Variants in HYI observed in about 807,000 individuals in gnomAD.
HYI encodes putative hydroxypyruvate isomerase.
HYI carries 47 observed loss-of-function variants against 39.7 expected under a neutral mutation model. The observed-to-expected ratio is 1.18, with a 90% CI of 0.94 to 1.51. The LOEUF is 1.51. Among genes scored for constraint, HYI ranks in the 40% most tolerant of loss-of-function variants. HYI has a pLI of 0.00. For missense variants in HYI, 465 were observed against 370.3 expected, an observed-to-expected ratio of 1.26 and a Z score of -2.10; for synonymous variants, 186 against 158.8, an observed-to-expected ratio of 1.17 and a Z score of -1.29.
In HYI at chr1:43,451,976, C is replaced by A. The variant is rs367869584; in HGVS notation, c.464G>T (p.Arg155Leu). The change falls in exon 4 of 8, where the codon CGC becomes CTC. Residue 155 changes from arginine (R) to leucine (L), a missense_variant. Arg to Leu is a moderately radical substitution (Grantham distance 102, BLOSUM62 -2). Transcript: ENST00000372430. ...CAGGAAGTACTGGGGGTCAGTGATG[C>A]GGGTGTTGATGGGCTCCAGCAGTCC... is the stretch of plus-strand genomic sequence containing the variant. ...LVGLLEPINTRITDPQYFLDT... is the reference protein window; with the variant it reads ...LVGLLEPINTLITDPQYFLDT... 6.2e-7 allele frequency: 1 copy of A among 1,611,076 alleles called. No homozygotes were observed. Among genetic ancestry groups the A allele is most frequent in the African/African-American group, 1.3e-5 (1 of 74,842 alleles).
intron 2 of HYI, chr1:43,453,102 C>G: frequency 2.6e-6 from 2 of 775,606 alleles, no homozygotes; most frequent in Non-Finnish European, 4.5e-6. Context: ...TGGAATAGGC[C>G]TGTCCTCAAA....
intron 2 of HYI, chr1:43,452,824 C>G (rs1393560566): frequency 1.9e-5 from 28 of 1,453,818 alleles, no homozygotes; most frequent in Non-Finnish European, 2.5e-5. Flanking sequence ...CGTCCACCTC[C>G]TCCCATCATC....
intron 5 of HYI, 21 bp downstream of exon 5, chr1:43,451,777 G>A (rs369575209): frequency 9.3e-6 from 15 of 1,613,910 alleles, no homozygotes; most frequent in South Asian, 4.4e-5. Context: ...TCCGATCTGC[G>A]AAGTACCCCC....
chr1:43,451,517 C>G lies in HYI; in HGVS notation c.653G>C (p.Gly218Ala), dbSNP rs1557613695. 3 of 1,614,104 alleles carry G rather than the reference C, an allele frequency of 1.9e-6. No homozygotes were observed. The African/African-American group carries it at 4.0e-5, about 22-fold the overall frequency. The change falls in exon 7 of 8, where the codon GGC becomes GCC. Residue 218 changes from glycine to alanine, a missense_variant. Coordinates refer to ENST00000372430, the MANE Select transcript of HYI (RefSeq NM_001190880.3). ...TCCGGGGCTGCTGGGCTCCCCTCGG[C>G]CTGGGACCTGTGCCACCTGCACATG... ...VGHVQVAQVPGRGEPSSPGEL... is the reference protein window; with the variant it reads ...VGHVQVAQVPARGEPSSPGEL...
In HYI at chr1:43,453,909, T is replaced by C; in HGVS notation, c.-116A>G. The C allele has an allele frequency of 8.3e-7, 1 of 1,210,756 alleles. No individual in the cohort carries two copies. The highest frequency in any genetic ancestry group is 1.0e-6 in the Non-Finnish European group (1 of 975,004). 75.0% of individuals were successfully genotyped at this position (1,210,756 alleles called of 1,614,324 possible). A position where few individuals can be genotyped will look rare whatever the true frequency, so the allele number is the denominator to read the frequency against. ...GCTGGCCCTGCGAACGAACGAGCACTGTTCGTGGTTAGAAAAGCGAAGTGC... is the reference window on the plus strand; with the variant it reads ...GCTGGCCCTGCGAACGAACGAGCACCGTTCGTGGTTAGAAAAGCGAAGTGC... On this transcript the variant is annotated 5_prime_UTR_variant, in exon 1 of 8. Transcript: ENST00000372430.
chr1:43,452,696 C>CT (rs925587635), intron 2 of HYI: 2 of 613,118 alleles, frequency 3.3e-6, no homozygotes, highest in African/African-American at 3.7e-5. Context: ...TCTACTTAGC[C>CT]TTTTCCCATC....
In HYI at chr1:43,451,427, C is replaced by A; in HGVS notation, c.743G>T (p.Cys248Phe). 1.2e-6 allele frequency: 2 copies of A among 1,613,346 alleles called. No homozygotes were observed. The highest frequency in any genetic ancestry group is 4.5e-5 in the East Asian group (2 of 44,878). ...CGCCTCACCTCGAGGCTGATACTCA[C>A]AGCCCACGAAGCCTTTGTAGCCTTC... ...EDEGYKGFVG[C>F]EYQPRGDTVE... is the part of the protein sequence containing the mutation. The change falls in exon 7 of 8, where the codon TGT becomes TTT. Residue 248 changes from cysteine (C) to phenylalanine (F), a missense_variant. Cys to Phe is a radical substitution (Grantham distance 205). Coordinates refer to ENST00000372430, the MANE Select transcript of HYI (RefSeq NM_001190880.3).
rs555914832 is a variant in HYI at position 43,453,862 on chromosome 1, G to A, written c.-69C>T. ...CGGCGGGCGGCGGGCGGCGGGCGGC[G>A]GGCGGGGGCGGGGCTCTCCTTGCTG... On this transcript the variant is annotated 5_prime_UTR_variant, in exon 1 of 8. Coordinates refer to ENST00000372430, the MANE Select transcript of HYI (RefSeq NM_001190880.3). 1.6e-4 allele frequency: 201 copies of A among 1,226,110 alleles called. No homozygotes were observed. In the African/African-American group the frequency reaches 3.0e-3, roughly 19 times the overall value. 76.0% of individuals were successfully genotyped at this position (1,226,110 alleles called of 1,614,324 possible).
intron 5 of HYI, 40 bp downstream of exon 5, chr1:43,451,758 C>G (rs773947729): frequency 6.2e-7 from 1 of 1,613,790 alleles, no homozygotes; most frequent in Non-Finnish European, 8.5e-7. Flanking sequence ...CCGCAGGCCC[C>G]GCCCTCCTTC....
In HYI at chr1:43,451,996, C is replaced by G. The variant is rs1308125730; in HGVS notation, c.444G>C (p.Leu148=). The change falls in exon 4 of 8, where the codon CTG becomes CTC. Residue 148 remains leucine (L), a synonymous_variant. Coordinates refer to ENST00000372430, the MANE Select transcript of HYI (RefSeq NM_001190880.3). ...TGATGCGGGTGTTGATGGGCTCCAG[C>G]AGTCCCACGAGGTCCTCCTAGCAGC... is the stretch of plus-strand genomic sequence containing the variant. ...GVLAQEDLVG[L]LEPINTRITD... is the part of the protein sequence containing the mutation. The G allele has an allele frequency of 6.2e-7, 1 of 1,609,622 alleles. No homozygotes were observed. The highest frequency in any genetic ancestry group is 8.5e-7 in the Non-Finnish European group (1 of 1,177,192).
Position 43,453,823 on chromosome 1 carries a change from G to T in HYI, c.-30C>A. ...GGGGAGGCCGGGCCGGGCGGAGTCC[G>T]CGGGATCCAAAGGCGGCGGGCGGCG... On this transcript the variant is annotated 5_prime_UTR_variant, in exon 1 of 8. Transcript: ENST00000372430. 2.4e-6 allele frequency: 3 copies of T among 1,236,646 alleles called. No homozygotes were observed. The highest frequency in any genetic ancestry group is 3.0e-6 in the Non-Finnish European group (3 of 992,692). The allele number at this position is 1,236,646 out of a possible 1,614,324, so 76.6% of individuals were successfully genotyped here.
chr1:43,451,566 TGTG>T (rs1656425562), intron 6 of HYI, 22 bp from the exon 7 acceptor site: 1 of 1,613,126 alleles, frequency 6.2e-7, no homozygotes, highest in Non-Finnish European at 8.5e-7. Context: ...TGTGGACAAA[TGTG>T]GGGTCCAGGC....
rs1194274165 is a variant in HYI at position 43,451,671 on chromosome 1, A to C, written c.602T>G (p.Ile201Ser). The change falls in exon 6 of 8, where the codon ATC becomes AGC. Residue 201 changes from isoleucine to serine, a missense_variant. Ile to Ser is a moderately radical substitution (Grantham distance 142, BLOSUM62 -2). Coordinates refer to ENST00000372430, the MANE Select transcript of HYI (RefSeq NM_001190880.3). ...ACCAACAATGGGCAGGAACTCCCGG[A>C]TGTTTCCTGTCAGGTTCCCATCCAT... ...QIMDGNLTGN[I>S]REFLPIVGHV... is the part of the protein sequence containing the mutation. The C allele has an allele frequency of 2.5e-6, 4 of 1,614,010 alleles. No homozygotes were observed. In the East Asian group the frequency reaches 8.9e-5, roughly 36 times the overall value.
chr1:43,451,769 C>A (rs375073962), intron 5 of HYI, 29 bp downstream of exon 5: 1 of 1,613,942 alleles, frequency 6.2e-7, no homozygotes, highest in Non-Finnish European at 8.5e-7. Flanking sequence ...GCCCTCCTTC[C>A]GATCTGCGAA....
rs1366213652 is a variant in HYI at position 43,453,798 on chromosome 1, G to C, written c.-5C>G. The C allele has an allele frequency of 4.0e-6, 5 of 1,264,930 alleles. No individual in the cohort carries two copies. The highest frequency in any genetic ancestry group is 5.0e-6 in the Non-Finnish European group (5 of 1,007,944). The allele number at this position is 1,264,930 out of a possible 1,614,324, so 78.4% of individuals were successfully genotyped here. On this transcript the variant is annotated 5_prime_UTR_variant, in exon 1 of 8. Coordinates refer to ENST00000372430, the MANE Select transcript of HYI (RefSeq NM_001190880.3). ...GGAGAAGCGCAGCGGCGCCATGCCT[G>C]GGGAGGCCGGGCCGGGCGGAGTCCG...
At position 43,453,881 on chromosome 1, in the gene HYI, C is replaced by T. The variant is rs569654303; in HGVS notation, c.-88G>A. ...GGCGGCGGGCGGGGGCGGGGCTCTC[C>T]TTGCTGGCCCTGCGAACGAACGAGC... On this transcript the variant is annotated 5_prime_UTR_variant, in exon 1 of 8. Transcript: ENST00000372430. 1,513 of 1,222,228 alleles carry T rather than the reference C, an allele frequency of 1.2e-3. 16 individuals are homozygous for T. The African/African-American group carries it at 0.022, about 18-fold the overall frequency. The allele number at this position is 1,222,228 out of a possible 1,614,324, so 75.7% of individuals were successfully genotyped here.
chr1:43,450,915 A>G (rs1557611291), downstream of HYI: 4 of 746,980 alleles, frequency 5.4e-6, no homozygotes, highest in Non-Finnish European at 9.8e-6. The surrounding 1 kb of genome is among the most constrained non-coding windows in gnomAD (Gnocchi z 4.3). Flanking sequence ...ACTGCTGGAC[A>G]TTCCCATCGA....
intron 2 of HYI, 161 bp from the exon 3 acceptor site, chr1:43,452,480 A>G (rs996243196): frequency 5.5e-5 from 39 of 709,878 alleles, no homozygotes; most frequent in Non-Finnish European, 8.6e-5. Context: ...GAGACACTTC[A>G]GTGATGGCTG....
Position 43,453,555 on chromosome 1 carries a change from C to G in HYI, c.199+40G>C, listed in dbSNP as rs975737999. On this transcript the variant is annotated intron_variant, in intron 1 of 7. Transcript: ENST00000372430. ...GGACACTCCCCTGCCCGCGCCCCGG[C>G]ACCCCCCAGCCCTCCCAGCCCTCCC... 4.3e-5 allele frequency: 65 copies of G among 1,520,022 alleles called. No homozygotes were observed. In the Admixed American group the frequency reaches 5.3e-4, roughly 12 times the overall value. 94.2% of individuals were successfully genotyped at this position (1,520,022 alleles called of 1,614,324 possible).
Sources: gnomAD v4.1 joint callset for allele counts on GRCh38, gnomAD v4.1.1 for gene constraint, Gnocchi (gnomAD v3.1) non-coding constraint, MANE v1.5 for transcripts, NCBI Gene and HGNC (gene_info 2026-07-23, HGNC 2026-07-21) for gene names.